The following CCDC40 variants were observed in gnomAD, a reference collection of about 807,000 sequenced individuals.
CCDC40 encodes coiled-coil domain-containing protein 40.
A neutral mutation model predicts 124.5 loss-of-function variants in CCDC40; 104 were observed. The observed-to-expected ratio is 0.84, with a 90% CI of 0.71 to 0.98. The LOEUF is 0.98. Ranked by LOEUF, CCDC40 falls within the 50% of genes least tolerant of loss-of-function variation. CCDC40 has a pLI of 0.00. For synonymous variants in CCDC40, 580 were observed against 602.9 expected (o/e 0.96, Z 0.56); for missense variants, 1,463 against 1,503.9 (o/e 0.97, Z 0.45).
At chr17:80,038,333 C>A in intron 2 of CCDC40, 147 bp downstream of exon 2, 1 of 628,680 alleles carries the variant, frequency 1.6e-6, no homozygotes, top group Non-Finnish European at 3.0e-6. Flanking sequence ...GAGTTTGAGA[C>A]AAGCCTGGCC....
Position 80,039,914 on chromosome 17 carries a change from G to C in CCDC40, c.196G>C (p.Glu66Gln). The C allele has an allele frequency of 6.2e-7, 1 of 1,613,676 alleles. No individual in the cohort carries two copies. Among genetic ancestry groups the C allele is most frequent in the Non-Finnish European group, 8.5e-7 (1 of 1,179,724 alleles). The part of the protein sequence containing the change: ...VTTQAEAAIE[E>Q]GEVETEGEAA... ...AACCCAAGCGGAAGCTGCAATTGAAGAGGGGGAGGTGGAGACAGAAGGGGA... is the reference window on the plus strand; with the variant it reads ...AACCCAAGCGGAAGCTGCAATTGAACAGGGGGAGGTGGAGACAGAAGGGGA... The change falls in exon 3 of 20, where the codon GAG (glutamate) becomes CAG (glutamine). Residue 66 changes from glutamate (E) to glutamine (Q), a missense_variant. Physicochemically the swap from Glu to Gln is conservative, Grantham distance 29. Transcript: ENST00000397545.
At chr17:80,039,334 T>C (rs1219809023) in intron 2 of CCDC40, among the ~76,000 whole-genome samples, 1 of 150,600 alleles carries the variant, frequency 6.6e-6, no homozygotes, top group Non-Finnish European at 1.5e-5. Context: ...GCCACCGCAC[T>C]CCAGCCTGGG....
At chr17:80,048,855 C>T in intron 5 of CCDC40, 94 bp downstream of exon 5, 1 of 1,124,166 alleles carries the variant, frequency 8.9e-7, no homozygotes, top group East Asian at 2.6e-5. Flanking sequence ...ACTCCTGACC[C>T]TAAATGCTGT....
chr17:80,048,841 T>C, intron 5 of CCDC40, 80 bp downstream of exon 5: 2 of 1,258,434 alleles, frequency 1.6e-6, no homozygotes, highest in Non-Finnish European at 2.3e-6. Flanking sequence ...CTGCACTGTC[T>C]CCCACTCCTG....
At chr17:80,090,934 T>A in intron 17 of CCDC40, 1 of 543,950 alleles carries the variant, frequency 1.8e-6, no homozygotes, top group Non-Finnish European at 2.5e-6. Context: ...GCCACATGTA[T>A]TTGCTGGAGC....
intron 19 of CCDC40, among the ~76,000 whole-genome samples, chr17:80,099,224 G>A (rs1238312147): frequency 6.6e-6 from 1 of 151,966 alleles, no homozygotes; most frequent in East Asian, 1.9e-4. Flanking sequence ...CCGGGAGGCG[G>A]AGCTTGCAGT....
At chr17:80,053,352 ATCAG>A (rs2143629754) in intron 7 of CCDC40, among the ~76,000 whole-genome samples, 1 of 152,336 alleles carries the variant, frequency 6.6e-6, no homozygotes, top group East Asian at 1.9e-4. Context: ...CAAGGCCTCC[ATCAG>A]CTGCGCCTTG....
chr17:80,091,873 AG>A (rs2038730257), intron 17 of CCDC40, among the ~76,000 whole-genome samples: 1 of 152,152 alleles, frequency 6.6e-6, no homozygotes, highest in Admixed American at 6.5e-5. Flanking sequence ...TTGTCTAAAA[AG>A]CACATGGCGG....
chr17:80,078,626 C>T (rs2038370279), intron 10 of CCDC40, among the ~76,000 whole-genome samples: 1 of 152,106 alleles, frequency 6.6e-6, no homozygotes, highest in Admixed American at 6.6e-5. Flanking sequence ...TATTCTGTTC[C>T]GTTGATCTTT....
chr17:80,052,143 CTG>C (rs1328678215), intron 7 of CCDC40, among the ~76,000 whole-genome samples: 1 of 152,178 alleles, frequency 6.6e-6, no homozygotes, highest in South Asian at 2.1e-4. Flanking sequence ...GGGAGGGAGA[CTG>C]TATTAGGGTT....
chr17:80,065,088 C>T (rs9896750), intron 9 of CCDC40, among the ~76,000 whole-genome samples: 32 of 75,200 alleles, frequency 4.3e-4, no homozygotes, highest in African/African-American at 1.8e-3. Flanking sequence ...CTTTCATCTC[C>T]TCCCCCTCCC....
chr17:80,044,779 T>G (rs1377075392), intron 3 of CCDC40, among the ~76,000 whole-genome samples: 1 of 151,122 alleles, frequency 6.6e-6, no homozygotes, highest in Non-Finnish European at 1.5e-5. Context: ...TTTGTTTAAG[T>G]GAAGTCTAGG....
At chr17:80,056,002 A>ATTTTTTTTTTTT (rs1397122647) in intron 7 of CCDC40, among the ~76,000 whole-genome samples, 1 of 7,840 alleles carries the variant, frequency 1.3e-4, no homozygotes, top group African/African-American at 3.6e-4. Flanking sequence ...ATATATATAT[A>ATTTTTTTTTTTT]TATATATATA....
chr17:80,095,385 G>T lies in CCDC40; in HGVS notation c.2955G>T (p.Ala985=). ...GGCAGCGCAAGATGGACAGGAAGGC[G>T]CTCACCCGCACCGACTTCCACCACA... The part of the protein sequence containing the change: ...AEGQRKMDRK[A]LTRTDFHHKQ... The change falls in exon 18 of 20, where the codon GCG becomes GCT. Residue 985 remains alanine, a synonymous_variant. Coordinates refer to ENST00000397545, the MANE Select transcript of CCDC40 (RefSeq NM_017950.4). 5 of 1,614,092 alleles carry T rather than the reference G, an allele frequency of 3.1e-6. No individual in the cohort carries two copies. The highest frequency in any genetic ancestry group is 4.2e-6 in the Non-Finnish European group (5 of 1,180,050).
At chr17:80,092,595 G>A (rs968869094) in intron 17 of CCDC40, among the ~76,000 whole-genome samples, 4 of 152,146 alleles carry the variant, frequency 2.6e-5, no homozygotes, top group Non-Finnish European at 4.4e-5. Flanking sequence ...TCTGTGTGGT[G>A]AAGCCCAATT....
chr17:80,036,676 GC>G lies in CCDC40; in HGVS notation c.15del (p.Gly6AlafsTer161). On this transcript the variant is annotated frameshift_variant, in exon 1 of 20. Coordinates refer to ENST00000397545, the MANE Select transcript of CCDC40 (RefSeq NM_017950.4). LOFTEE classifies it high-confidence loss of function. MAEP[G>X]GAAGRSHPED... ...TAGCAACGGGAAATGGCGGAACCGG[GC>G]GGCGCGGCGGGCCGGTAAGCCGGGC... 1 of 1,463,272 alleles carries G rather than the reference GC, an allele frequency of 6.8e-7. No individual in the cohort carries two copies. The highest frequency in any genetic ancestry group is 9.0e-7 in the Non-Finnish European group (1 of 1,109,704). 90.6% of individuals were successfully genotyped at this position (1,463,272 alleles called of 1,614,324 possible). A position where few individuals can be genotyped will look rare whatever the true frequency, so the allele number is the denominator to read the frequency against.
chr17:80,069,697 A>G (rs1013685673), intron 10 of CCDC40, among the ~76,000 whole-genome samples: 1 of 152,118 alleles, frequency 6.6e-6, no homozygotes, highest in African/African-American at 2.4e-5. Context: ...GTGGCGGTGA[A>G]GCAAGATGGT....
chr17:80,047,557 A>T, intron 4 of CCDC40, 155 bp downstream of exon 4: 1 of 730,488 alleles, frequency 1.4e-6, no homozygotes, highest in Non-Finnish European at 2.3e-6. Flanking sequence ...TATGGATAAC[A>T]TTTATTGGGC....
chr17:80,051,515 G>A (rs906947004), intron 7 of CCDC40, among the ~76,000 whole-genome samples: 2 of 149,350 alleles, frequency 1.3e-5, no homozygotes, highest in African/African-American at 4.9e-5. Context: ...TGTAGTCCCA[G>A]CTACTTGGGA....
Sources: gnomAD v4.1 joint callset for allele counts (sites outside exome capture counted in the v4.1 genomes callset) on GRCh38, gnomAD v4.1.1 for gene constraint, MANE v1.5 for transcripts, NCBI Gene and HGNC (gene_info 2026-07-23, HGNC 2026-07-21) for gene names.